SPRING1: variants seen among roughly 807,000 people sequenced by gnomAD.
SPRING1 encodes SREBP regulating gene protein.
Under a neutral mutation model 24.7 loss-of-function variants are expected in SPRING1, and 14 were observed. That is an observed-to-expected ratio of 0.57 (90% CI 0.37 to 0.88). SPRING1 has a LOEUF of 0.88. SPRING1 is among the 40% of genes least tolerant of loss of function. The pLI is 0.00. For missense variants in SPRING1, 255 were observed against 268.4 expected, an observed-to-expected ratio of 0.95 and a Z score of 0.35; for synonymous variants, 93 against 106.1, an observed-to-expected ratio of 0.88 and a Z score of 0.76.
intron 1 of SPRING1, among the ~76,000 whole-genome samples, chr12:116,737,025 G>C (rs1871256596): frequency 6.6e-6 from 1 of 152,188 alleles, no homozygotes; most frequent in Non-Finnish European, 1.5e-5. Context: ...GGCCTGCTGC[G>C]AAGATGAAGC....
At chr12:116,734,395 A>C (rs568498129) in intron 1 of SPRING1, among the ~76,000 whole-genome samples, 4 of 152,324 alleles carry the variant, frequency 2.6e-5, no homozygotes, top group African/African-American at 9.6e-5. Flanking sequence ...TGAGCGACGC[A>C]TGACTATAAT....
intron 4 of SPRING1, among the ~76,000 whole-genome samples, chr12:116,719,155 G>C (rs767023464): frequency 5.3e-5 from 8 of 152,202 alleles, no homozygotes; most frequent in Non-Finnish European, 1.0e-4. Flanking sequence ...CAATAGCTGA[G>C]AGCCGAGGAG....
intron 2 of SPRING1, among the ~76,000 whole-genome samples, chr12:116,722,162 T>C (rs966997896): frequency 2.0e-5 from 3 of 152,238 alleles, no homozygotes; most frequent in Non-Finnish European, 4.4e-5. Context: ...AGTTCTTACA[T>C]GCTTTCTTTA....
chr12:116,726,536 T>A (rs993997365), intron 1 of SPRING1, among the ~76,000 whole-genome samples: 3 of 152,160 alleles, frequency 2.0e-5, no homozygotes, highest in African/African-American at 7.2e-5. Flanking sequence ...AAAAGCAACA[T>A]CTGTATTCCT....
Position 116,728,205 on chromosome 12 carries a change from G to T in SPRING1, c.112-4982C>A, listed in dbSNP as rs950467668. On this transcript the variant is annotated intron_variant, in intron 1 of 4. Transcript: ENST00000261318. This position sits in a 1 kb window ranked among gnomAD's most constrained non-coding sequence, Gnocchi z 4.2. Reference sequence around the variant, plus strand: ...TGCCTCGCATAGTTAGGCCCGCCCTGCCACTAGATCATGTCATCCTGTTTT... The same window carrying T: ...TGCCTCGCATAGTTAGGCCCGCCCTTCCACTAGATCATGTCATCCTGTTTT... Among the ~76,000 whole-genome samples, 1 of 152,244 alleles carries T rather than the reference G, an allele frequency of 6.6e-6. No individual in the cohort carries two copies. The highest frequency in any genetic ancestry group is 3.4e-3 in the Middle Eastern group (1 of 294).
intron 3 of SPRING1, 64 bp from the exon 4 acceptor site, chr12:116,719,940 A>G: frequency 7.2e-7 from 1 of 1,379,954 alleles, no homozygotes; most frequent in Non-Finnish European, 1.0e-6. Context: ...GACCTTGGCT[A>G]TCTCTCCTAA....
intron 1 of SPRING1, among the ~76,000 whole-genome samples, chr12:116,733,227 C>T (rs979014930): frequency 7.9e-5 from 12 of 151,830 alleles, no homozygotes; most frequent in African/African-American, 2.7e-4. Context: ...CTGTCGCCCA[C>T]GCTGGAGTGC....
rs1869914561 is a variant in SPRING1, at chr12:116,712,467, T to G, written c.*5343A>C. 1 of 152,176 alleles carries G rather than the reference T, an allele frequency of 6.6e-6. No homozygotes were observed. The highest frequency in any genetic ancestry group is 1.5e-5 in the Non-Finnish European group (1 of 68,054). The allele number at this position is 152,176 out of a possible 1,614,324, so 9.4% of individuals were successfully genotyped here. The stretch of plus-strand genomic sequence containing the variant: ...ATGCCTGTACACAAAACTGCACTCA[T>G]GCTGTGATAACACGCAAAAGGTCAC... On this transcript the variant is annotated 3_prime_UTR_variant, in exon 5 of 5. Transcript: ENST00000261318.
In SPRING1 at chr12:116,715,038, A is replaced by AT. The variant is rs1292214661; in HGVS notation, c.*2771dup. On this transcript the variant is annotated 3_prime_UTR_variant, in exon 5 of 5. Transcript: ENST00000261318. ...CCGAAAACACTCACTTATTAACAAT[A>AT]TTTTTTTCTTTTTTTTGAGACAGAG... The AT allele has an allele frequency of 6.6e-6, 1 of 151,870 alleles. No individual in the cohort carries two copies. 9.4% of individuals were successfully genotyped at this position (151,870 alleles called of 1,614,324 possible). A position where few individuals can be genotyped will look rare whatever the true frequency, so the allele number is the denominator to read the frequency against.
At chr12:116,727,575 AGGG>A (rs148194992) in intron 1 of SPRING1, among the ~76,000 whole-genome samples, 7,967 of 152,260 alleles carry the variant, frequency 0.052, 673 homozygotes, top group African/African-American at 0.18. Flanking sequence ...TCAGAAAAAG[AGGG>A]GAGGGGGAGA....
intron 1 of SPRING1, among the ~76,000 whole-genome samples, chr12:116,734,917 T>C (rs958190645): frequency 6.6e-6 from 1 of 152,132 alleles, no homozygotes; most frequent in Non-Finnish European, 1.5e-5. Context: ...GCCATGATGA[T>C]CCCATCTTTT....
intron 1 of SPRING1, among the ~76,000 whole-genome samples, chr12:116,730,207 T>C (rs573702442): frequency 6.6e-6 from 1 of 151,650 alleles, no homozygotes; most frequent in Non-Finnish European, 1.5e-5. Context: ...GCCTTATTTT[T>C]ACTTTTTAAT....
intron 1 of SPRING1, among the ~76,000 whole-genome samples, chr12:116,730,801 C>T (rs777613317): frequency 2.0e-5 from 3 of 152,176 alleles, no homozygotes; most frequent in Non-Finnish European, 2.9e-5. Context: ...ACAAGCTAAG[C>T]GTAGCAGATA....
At position 116,717,648 on chromosome 12, in the gene SPRING1, G is replaced by A. The variant is rs575657936; in HGVS notation, c.*162C>T. The stretch of plus-strand genomic sequence containing the variant: ...CATCTGGTAAGCCCGGGTGGTGAGC[G>A]AAGCCAAAGATGACAACACGAGAAG... On this transcript the variant is annotated 3_prime_UTR_variant, in exon 5 of 5. Transcript: ENST00000261318. The surrounding 1 kb of genome is among the most constrained non-coding windows in gnomAD (Gnocchi z 4.2). 50 of 600,264 alleles carry A rather than the reference G, an allele frequency of 8.3e-5. 1 individual carries two copies. Among genetic ancestry groups the A allele is most frequent in the Admixed American group, 2.2e-4 (7 of 31,256 alleles). The allele number at this position is 600,264 out of a possible 1,614,324, so 37.2% of individuals were successfully genotyped here. A position where few individuals can be genotyped will look rare whatever the true frequency, so the allele number is the denominator to read the frequency against.
rs141778754 is a variant in SPRING1 at position 116,723,182 on chromosome 12, A to G, written c.153T>C (p.His51=). 1.1e-5 allele frequency: 18 copies of G among 1,613,998 alleles called. No individual in the cohort carries two copies. The African/African-American group carries it at 2.3e-4, about 20-fold the overall frequency. Residue 51 remains histidine (H), a synonymous_variant, in exon 2 of 5, where the codon CAT becomes CAC. Coordinates refer to ENST00000261318, the MANE Select transcript of SPRING1 (RefSeq NM_024738.4). ...AVRDRNLLQV[H]DHNQPIPWKV... The stretch of plus-strand genomic sequence containing the variant: ...TCCACGGGATGGGCTGATTATGGTC[A>G]TGAACCTGGAGGAGATTCCTATCTC...
intron 1 of SPRING1, among the ~76,000 whole-genome samples, chr12:116,735,243 C>T (rs1416681075): frequency 6.6e-6 from 1 of 152,116 alleles, no homozygotes; most frequent in Non-Finnish European, 1.5e-5. Context: ...TCTGTTGGTC[C>T]AAACACGAAC....
intron 4 of SPRING1, among the ~76,000 whole-genome samples, chr12:116,718,505 A>G (rs1378087101): frequency 6.6e-6 from 1 of 152,274 alleles, no homozygotes; most frequent in African/African-American, 2.4e-5. Context: ...TTCATTAATT[A>G]GTCCAAGACC....
intron 1 of SPRING1, among the ~76,000 whole-genome samples, chr12:116,726,650 T>G (rs1265412138): frequency 7.4e-6 from 1 of 135,104 alleles, no homozygotes; most frequent in African/African-American, 2.8e-5. Flanking sequence ...ACTCTTCTGC[T>G]CTACTGGGAC....
intron 1 of SPRING1, among the ~76,000 whole-genome samples, chr12:116,729,684 GA>G (rs1870878592): frequency 6.6e-6 from 1 of 152,146 alleles, no homozygotes; most frequent in Non-Finnish European, 1.5e-5. Flanking sequence ...GATGAACTTT[GA>G]AAACATTATG....
Sources: gnomAD v4.1 joint callset for allele counts (sites outside exome capture counted in the v4.1 genomes callset) on GRCh38, gnomAD v4.1.1 for gene constraint, Gnocchi (gnomAD v3.1) non-coding constraint, MANE v1.5 for transcripts, NCBI Gene and HGNC (gene_info 2026-07-23, HGNC 2026-07-21) for gene names.